MCTP2: variants seen among roughly 807,000 people sequenced by gnomAD.
MCTP2 encodes multiple C2 and transmembrane domain containing 2, also known as multiple C2 and transmembrane domain-containing protein 2.
MCTP2 carries 132 observed loss-of-function variants against 111.6 expected under a neutral mutation model. The observed-to-expected ratio is 1.18, with a 90% CI of 1.03 to 1.37. MCTP2 has a LOEUF of 1.37. Ranked by LOEUF, MCTP2 falls within the 40% of genes most tolerant of loss-of-function variation. The pLI is 0.00. For synonymous variants in MCTP2, 395 were observed against 387.7 expected, an observed-to-expected ratio of 1.02 and a Z score of -0.22; for missense variants, 1,183 against 1,067.9, an observed-to-expected ratio of 1.11 and a Z score of -1.50.
intron 2 of MCTP2, among the ~76,000 whole-genome samples, chr15:94,311,052 T>A (rs1212102209): frequency 6.8e-6 from 1 of 147,228 alleles, no homozygotes; most frequent in Non-Finnish European, 1.5e-5. Context: ...TGAGATGGAG[T>A]CTCACTCTGT....
intron 21 of MCTP2, among the ~76,000 whole-genome samples, chr15:94,475,023 C>T (rs1052703674): frequency 6.6e-6 from 1 of 152,152 alleles, no homozygotes; most frequent in South Asian, 2.1e-4. Flanking sequence ...ATTGTGAAGA[C>T]TCCAGATGCG....
intron 14 of MCTP2, among the ~76,000 whole-genome samples, chr15:94,392,837 AC>A (rs202153074): frequency 2.6e-5 from 4 of 151,366 alleles, no homozygotes; most frequent in Non-Finnish European, 5.9e-5. Flanking sequence ...AAACAAACAA[AC>A]AAAAAAAAAC....
chr15:94,451,292 A>T (rs993369527), intron 19 of MCTP2, among the ~76,000 whole-genome samples: 6 of 152,180 alleles, frequency 3.9e-5, no homozygotes, highest in Non-Finnish European at 5.9e-5. Flanking sequence ...GTGTGTTTAA[A>T]AAAAACAAGG....
chr15:94,310,643 T>C (rs184151), intron 2 of MCTP2, among the ~76,000 whole-genome samples: 67,853 of 151,614 alleles, frequency 0.45, 16,308 homozygotes, highest in East Asian at 0.65. Flanking sequence ...GGCATCTCTA[T>C]AAAAATAAAT....
At chr15:94,476,673 T>G in intron 21 of MCTP2, 23 bp from the exon 22 acceptor site, 3 of 1,152,450 alleles carry the variant, frequency 2.6e-6, no homozygotes, top group South Asian at 1.2e-5. Context: ...GATAAAGAGA[T>G]CTCCTGTGTT....
At chr15:94,453,311 C>T (rs1005610618) in intron 19 of MCTP2, among the ~76,000 whole-genome samples, 4 of 152,186 alleles carry the variant, frequency 2.6e-5, no homozygotes, top group Non-Finnish European at 4.4e-5. Flanking sequence ...CTCTTCAGGG[C>T]CTGAGTGACT....
In MCTP2 at chr15:94,480,835, T is replaced by C. The variant is rs1391679075; in HGVS notation, c.*1801T>C. On this transcript the variant is annotated 3_prime_UTR_variant, in exon 23 of 23. Coordinates refer to ENST00000357742, the MANE Select transcript of MCTP2 (RefSeq NM_001385001.1). The stretch of plus-strand genomic sequence containing the variant: ...CTATAGAATTTCAAAATGAAATTAT[T>C]TGCCCGACAAGAAGGCATCATTAGT... 6.6e-6 allele frequency: 1 copy of C among 152,232 alleles called. No homozygotes were observed. Among genetic ancestry groups the C allele is most frequent in the African/African-American group, 2.4e-5 (1 of 41,458 alleles). 9.4% of individuals were successfully genotyped at this position (152,232 alleles called of 1,614,324 possible). A position where few individuals can be genotyped will look rare whatever the true frequency, so the allele number is the denominator to read the frequency against.
At chr15:94,259,489 G>A (rs6497186) in intron 1 of MCTP2, among the ~76,000 whole-genome samples, 139,805 of 152,294 alleles carry the variant, frequency 0.92, 64,297 homozygotes, top group African/African-American at 0.97. Flanking sequence ...TCCTTACCAG[G>A]GTTTGGTAGC....
At chr15:94,474,375 G>A (rs1014249908) in intron 21 of MCTP2, among the ~76,000 whole-genome samples, 4 of 152,108 alleles carry the variant, frequency 2.6e-5, no homozygotes, top group Admixed American at 2.6e-4. Flanking sequence ...TGCCTGTACT[G>A]CCCAATGTGA....
In MCTP2 at chr15:94,295,777, T is replaced by A. The variant is rs1243523392; in HGVS notation, c.-65-2424T>A. Among the ~76,000 whole-genome samples, 4 of 152,166 alleles carry A rather than the reference T, an allele frequency of 2.6e-5. No homozygotes were observed. The East Asian group carries it at 7.7e-4, about 29-fold the overall frequency. ...ATCTGTACAAAAAAATAGCTGGGCA[T>A]GGTGGCGTGTGTCTGTAGTCCCAGC... On this transcript the variant is annotated intron_variant, in intron 1 of 22. Transcript: ENST00000357742.
intron 4 of MCTP2, among the ~76,000 whole-genome samples, chr15:94,327,047 T>C (rs531156761): frequency 6.6e-6 from 1 of 152,256 alleles, no homozygotes; most frequent in African/African-American, 2.4e-5. Context: ...CATGTTCACA[T>C]GCATTTTTTA....
rs1365378192 is a variant in MCTP2, at chr15:94,390,126, A to G, written c.1788+4601A>G. ...TATATATATATATGTATATATATATATATATACTTAGATGTTTATCATAAT... is the reference window on the plus strand; with the variant it reads ...TATATATATATATGTATATATATATGTATATACTTAGATGTTTATCATAAT... On this transcript the variant is annotated intron_variant, in intron 14 of 22. Coordinates refer to ENST00000357742, the MANE Select transcript of MCTP2 (RefSeq NM_001385001.1). 1.1e-3 allele frequency among the ~76,000 whole-genome samples: 66 copies of G among 59,888 alleles called. 2 individuals are homozygous for G. Among genetic ancestry groups the G allele is most frequent in the Middle Eastern group, 0.011 (1 of 92 alleles). The allele number at this position is 59,888 out of a possible 152,430, so 39.3% of individuals were successfully genotyped here. A position where few individuals can be genotyped will look rare whatever the true frequency, so the allele number is the denominator to read the frequency against.
intron 17 of MCTP2, among the ~76,000 whole-genome samples, chr15:94,431,975 C>T (rs1455076631): frequency 6.6e-6 from 1 of 152,128 alleles, no homozygotes; most frequent in Non-Finnish European, 1.5e-5. Context: ...AAAGACCACT[C>T]CAGTGGTTTT....
At chr15:94,294,142 G>T (rs2075153659) in intron 1 of MCTP2, among the ~76,000 whole-genome samples, 1 of 152,154 alleles carries the variant, frequency 6.6e-6, no homozygotes, top group Admixed American at 6.5e-5. Context: ...ATTCCGTTTA[G>T]AAAACATTCC....
intron 1 of MCTP2, among the ~76,000 whole-genome samples, chr15:94,259,260 C>T (rs1171178019): frequency 1.3e-5 from 2 of 152,166 alleles, no homozygotes; most frequent in Non-Finnish European, 2.9e-5. Context: ...GAATAAAGCT[C>T]ATCGAACTCC....
At chr15:94,343,299 T>C (rs2077765859) in intron 7 of MCTP2, 1 of 152,122 alleles carries the variant, frequency 6.6e-6, no homozygotes, top group Admixed American at 6.6e-5. Context: ...TATATTGGGA[T>C]TTTAAGTGGG....
chr15:94,360,301 A>C (rs1301602747), intron 10 of MCTP2, among the ~76,000 whole-genome samples: 1 of 152,184 alleles, frequency 6.6e-6, no homozygotes, highest in Admixed American at 6.5e-5. Flanking sequence ...CCTGTGGTCC[A>C]GTCTTCTACA....
intron 17 of MCTP2, among the ~76,000 whole-genome samples, chr15:94,434,774 T>G (rs865828987): frequency 6.6e-6 from 1 of 152,310 alleles, no homozygotes; most frequent in Middle Eastern, 3.4e-3. Context: ...TCATAATAAC[T>G]TGTGAAGTCA....
intron 17 of MCTP2, among the ~76,000 whole-genome samples, chr15:94,419,348 C>T (rs1418389513): frequency 6.6e-6 from 1 of 152,012 alleles, no homozygotes; most frequent in Non-Finnish European, 1.5e-5. Flanking sequence ...CTTAAGAAAA[C>T]AAATGGTTAA....
Sources: allele counts gnomAD v4.1 joint callset (sites outside exome capture counted in the v4.1 genomes callset), GRCh38; gene constraint gnomAD v4.1.1; transcripts MANE v1.5; gene names NCBI Gene and HGNC (gene_info 2026-07-23, HGNC 2026-07-21).